The following TMED7 variants were observed in gnomAD, a reference collection of about 807,000 sequenced individuals.
TMED7 encodes transmembrane emp24 domain-containing protein 7.
A neutral mutation model predicts 23.4 loss-of-function variants in TMED7; 8 were observed. The ratio of observed to expected loss-of-function variants is 0.34; its 90% CI spans 0.20 to 0.62. The LOEUF is 0.62. TMED7 is among the 20% of genes least tolerant of loss of function. The pLI is 0.77. For synonymous variants in TMED7, 121 were observed against 108.5 expected (o/e 1.12, Z -0.72); for missense variants, 232 against 279.1 (o/e 0.83, Z 1.20).
At chr5:115,623,767 A>G (rs896511896) in intron 1 of TMED7, among the ~76,000 whole-genome samples, 2 of 152,144 alleles carry the variant, frequency 1.3e-5, no homozygotes, top group African/African-American at 4.8e-5. Flanking sequence ...ATGTCCCCTG[A>G]TGATCCTTCT....
rs1756998387 is a variant in TMED7, at chr5:115,620,696, A to C, written c.193-16T>G. The stretch of plus-strand genomic sequence containing the variant: ...CAGTAATCACCTGTAAGAGATTAAA[A>C]AAGAAAAATCACTGTGAAAAGTGTG... On this transcript the variant is annotated splice_polypyrimidine_tract_variant and intron_variant, in intron 1 of 2. Transcript: ENST00000456936. 1 of 1,376,222 alleles carries C rather than the reference A, an allele frequency of 7.3e-7. No individual in the cohort carries two copies. The highest frequency in any genetic ancestry group is 9.5e-7 in the Non-Finnish European group (1 of 1,057,350). 85.3% of individuals were successfully genotyped at this position (1,376,222 alleles called of 1,614,324 possible).
chr5:115,625,685 C>G lies in TMED7; in HGVS notation c.108G>C (p.Glu36Asp). 1 of 1,603,312 alleles carries G rather than the reference C, an allele frequency of 6.2e-7. No homozygotes were observed. The highest frequency in any genetic ancestry group is 8.5e-7 in the Non-Finnish European group (1 of 1,175,718). Reference sequence around the variant, plus strand: ...CGTTGTCAGGAAGCTCGAAGGTGATCTCAGAGGCGCCGCCGGGTCCAGGCA... The same window carrying G: ...CGTTGTCAGGAAGCTCGAAGGTGATGTCAGAGGCGCCGCCGGGTCCAGGCA... ...LLVPGPGGASEITFELPDNAK... is the reference protein window; with the variant it reads ...LLVPGPGGASDITFELPDNAK... The change falls in exon 1 of 3, where the codon GAG becomes GAC. Residue 36 changes from glutamate to aspartate, a missense_variant. By Grantham distance (45) the Glu-to-Asp change is conservative. Around this residue, in one of 2 missense-constraint regions of TMED7, gnomAD observed 106 missense variants for 97.0 expected, o/e 1.09. Coordinates refer to ENST00000456936, the MANE Select transcript of TMED7 (RefSeq NM_181836.6).
At chr5:115,624,012 G>C (rs1308696560) in intron 1 of TMED7, among the ~76,000 whole-genome samples, 1 of 152,142 alleles carries the variant, frequency 6.6e-6, no homozygotes, top group East Asian at 1.9e-4. Flanking sequence ...AGGAGTAAGA[G>C]CTATAACAAT....
At chr5:115,622,382 T>C (rs1408715885) in intron 1 of TMED7, among the ~76,000 whole-genome samples, 1 of 152,180 alleles carries the variant, frequency 6.6e-6, no homozygotes, top group African/African-American at 2.4e-5. Flanking sequence ...TTTGCCCCTC[T>C]CAAATTCATC....
chr5:115,618,282 ATACTT>A (rs1196033815), intron 2 of TMED7, among the ~76,000 whole-genome samples: 1 of 152,228 alleles, frequency 6.6e-6, no homozygotes, highest in Admixed American at 6.5e-5. Context: ...AAATACTTTT[ATACTT>A]TATTTCTAAA....
In TMED7 at chr5:115,625,756, C is replaced by T; in HGVS notation, c.37G>A (p.Val13Ile). Reference sequence around the variant, plus strand: ...AGCCTGCACCCCCAACGGCCCGCGACGGCCGCCCAGCGCTGCGCGGACCCC... The same window carrying T: ...AGCCTGCACCCCCAACGGCCCGCGATGGCCGCCCAGCGCTGCGCGGACCCC... ...RPGSAQRWAA[V>I]AGRWGCRLLA... Residue 13 changes from valine to isoleucine, a missense_variant, in exon 1 of 3, where the codon GTC (valine) becomes ATC (isoleucine). Transcript: ENST00000456936. 1 of 1,536,986 alleles carries T rather than the reference C, an allele frequency of 6.5e-7. No homozygotes were observed. Among genetic ancestry groups the T allele is most frequent in the Middle Eastern group, 1.8e-4 (1 of 5,472 alleles).
intron 1 of TMED7, among the ~76,000 whole-genome samples, chr5:115,624,027 T>C (rs556988552): frequency 2.0e-4 from 30 of 152,348 alleles, no homozygotes; most frequent in African/African-American, 6.7e-4. Context: ...AACAATTTCA[T>C]ATCGGGCTTT....
intron 1 of TMED7, among the ~76,000 whole-genome samples, chr5:115,625,280 G>C (rs1390261646): frequency 2.6e-5 from 4 of 152,204 alleles, no homozygotes; most frequent in African/African-American, 7.2e-5. Context: ...GTAGAGGGTT[G>C]ACACTGGGTA....
rs377211306 is a variant in TMED7 at position 115,625,807 on chromosome 5, G to A, written c.-15C>T. 3.6e-6 allele frequency: 5 copies of A among 1,403,902 alleles called. No individual in the cohort carries two copies. In the South Asian group the frequency reaches 4.9e-5, roughly 14 times the overall value. The allele number at this position is 1,403,902 out of a possible 1,614,324, so 87.0% of individuals were successfully genotyped here. On this transcript the variant is annotated 5_prime_UTR_variant, in exon 1 of 3. Transcript: ENST00000456936. ...GGCCGCGGCATCCCGAGAAGGCGGC[G>A]GCGGCCTCAACCGAGCTGCGAGACG... is the stretch of plus-strand genomic sequence containing the variant.
intron 1 of TMED7, among the ~76,000 whole-genome samples, chr5:115,623,125 A>G (rs1757092271): frequency 6.6e-6 from 1 of 152,234 alleles, no homozygotes. Context: ...AAAAGAATAT[A>G]AAACATTACA....
chr5:115,624,141 T>A (rs1343637268), intron 1 of TMED7, among the ~76,000 whole-genome samples: 1 of 152,202 alleles, frequency 6.6e-6, no homozygotes, highest in Non-Finnish European at 1.5e-5. Context: ...TGAGTCTGCA[T>A]ACACAAAAAT....
chr5:115,620,767 A>C, intron 1 of TMED7, 87 bp from the exon 2 acceptor site: 1 of 1,299,000 alleles, frequency 7.7e-7, no homozygotes, highest in Non-Finnish European at 9.8e-7. Context: ...AATGGCAATA[A>C]GGTGATGGGC....
intron 1 of TMED7, among the ~76,000 whole-genome samples, chr5:115,625,315 T>A (rs2112580758): frequency 6.6e-6 from 1 of 152,356 alleles, no homozygotes; most frequent in East Asian, 1.9e-4. Context: ...TGATTTTCTT[T>A]AAGGGAATCT....
intron 1 of TMED7, among the ~76,000 whole-genome samples, chr5:115,622,756 G>T (rs1413472693): frequency 6.6e-6 from 1 of 152,044 alleles, no homozygotes; most frequent in Admixed American, 6.5e-5. Context: ...TCTTAACAAT[G>T]GTATACTATT....
rs759745882 is a variant in TMED7 at position 115,625,638 on chromosome 5, T to A, written c.155A>T (p.Asp52Val). 1.2e-6 allele frequency: 2 copies of A among 1,600,178 alleles called. No homozygotes were observed. The highest frequency in any genetic ancestry group is 4.6e-5 in the East Asian group (2 of 43,338). ...GGTGCACTTGGTGCCCTGAGCGATGTCCTCGTAGAAGCACTGCTTGGCGTT... is the reference window on the plus strand; with the variant it reads ...GGTGCACTTGGTGCCCTGAGCGATGACCTCGTAGAAGCACTGCTTGGCGTT... ...PDNAKQCFYE[D>V]IAQGTKCTLE... The change falls in exon 1 of 3, where the codon GAC (aspartate) becomes GTC (valine). Residue 52 changes from aspartate (D) to valine (V), a missense_variant. Asp to Val is a radical substitution (Grantham distance 152). Around this residue, in one of 2 missense-constraint regions of TMED7, gnomAD observed 106 missense variants for 97.0 expected, o/e 1.09. Transcript: ENST00000456936.
chr5:115,621,975 G>A (rs2112576226), intron 1 of TMED7, among the ~76,000 whole-genome samples: 1 of 152,242 alleles, frequency 6.6e-6, no homozygotes, highest in East Asian at 1.9e-4. Context: ...ATAATCTAAT[G>A]AAAATAATTA....
At chr5:115,625,478 A>G in intron 1 of TMED7, 123 bp downstream of exon 1, 1 of 1,194,466 alleles carries the variant, frequency 8.4e-7, no homozygotes, top group Non-Finnish European at 1.1e-6. Flanking sequence ...TCAGCTACCT[A>G]GAAGCGATTT....
intron 2 of TMED7, 57 bp from the exon 3 acceptor site, chr5:115,616,502 C>A: frequency 6.2e-7 from 1 of 1,601,918 alleles, no homozygotes; most frequent in Admixed American, 1.7e-5. Context: ...CTTCATCTAT[C>A]ATATTCAGCT....
chr5:115,615,921 C>A lies in TMED7; in HGVS notation c.*288G>T. ...AAATGGTTAAAAGGAATCAAAATAC[C>A]AAAGTTTAGTGTGCGAAGAGTAGAT... is the stretch of plus-strand genomic sequence containing the variant. On this transcript the variant is annotated 3_prime_UTR_variant, in exon 3 of 3. Coordinates refer to ENST00000456936, the MANE Select transcript of TMED7 (RefSeq NM_181836.6). 1.2e-5 allele frequency: 4 copies of A among 342,530 alleles called. No individual in the cohort carries two copies. Among genetic ancestry groups the A allele is most frequent in the East Asian group, 5.4e-5 (1 of 18,420 alleles). 21.2% of individuals were successfully genotyped at this position (342,530 alleles called of 1,614,324 possible). A position where few individuals can be genotyped will look rare whatever the true frequency, so the allele number is the denominator to read the frequency against.
Sources: allele counts gnomAD v4.1 joint callset (sites outside exome capture counted in the v4.1 genomes callset), GRCh38; gene constraint gnomAD v4.1.1; regional missense constraint gnomAD v4.1.1; transcripts MANE v1.5; gene names NCBI Gene and HGNC (gene_info 2026-07-23, HGNC 2026-07-21).